Variants in BCR observed in about 807,000 individuals in gnomAD.
BCR encodes breakpoint cluster region protein.
In BCR, 58 loss-of-function variants were observed where a neutral mutation model predicts 138.6. The ratio of observed to expected loss-of-function variants is 0.42; its 90% confidence interval spans 0.34 to 0.52. The LOEUF is 0.52. Ranked by LOEUF, BCR falls within the 20% of genes least tolerant of loss-of-function variation. The pLI, the probability that BCR is intolerant of heterozygous loss-of-function variation, is 0.06. For synonymous variants in BCR, 786 were observed against 730.1 expected (o/e 1.08, Z -1.23); for missense variants, 1,599 against 1,727.2 (o/e 0.93, Z 1.32).
chr22:23,242,723 AC>A lies in BCR; in HGVS notation c.1280-11074del, dbSNP rs56775946. The A allele has an allele frequency of 6.8e-3, 2,360 of 347,106 alleles. 111 individuals are homozygous for A. The highest frequency in any genetic ancestry group is 0.051 in the South Asian group (2,272 of 44,956). 21.5% of individuals were successfully genotyped at this position (347,106 alleles called of 1,614,324 possible). ...TATCTCTGTCCTCAGACTCCATGGC[AC>A]CGAGTTCAGGCCATGTCTTAGTGTC... On this transcript the variant is annotated intron_variant, in intron 1 of 22. Transcript: ENST00000305877.
intron 1 of BCR, among the ~76,000 whole-genome samples, chr22:23,235,748 A>G (rs2146248727): frequency 6.6e-6 from 1 of 152,336 alleles, no homozygotes; most frequent in Non-Finnish European, 1.5e-5. Context: ...GGAAGTCAGT[A>G]TCAAGGAGCT....
At chr22:23,199,894 C>T (rs1161675593) in intron 1 of BCR, among the ~76,000 whole-genome samples, 1 of 151,946 alleles carries the variant, frequency 6.6e-6, no homozygotes, top group Non-Finnish European at 1.5e-5. Flanking sequence ...ACCATCCTGG[C>T]TAACACAGTG....
At chr22:23,301,653 G>T (rs771991203) in intron 16 of BCR, among the ~76,000 whole-genome samples, 6 of 152,208 alleles carry the variant, frequency 3.9e-5, no homozygotes, top group Middle Eastern at 3.2e-3. Flanking sequence ...AGTCAATCTG[G>T]GCCAAAGCCT....
At chr22:23,271,893 T>G (rs990909405) in intron 6 of BCR, among the ~76,000 whole-genome samples, 7 of 152,098 alleles carry the variant, frequency 4.6e-5, no homozygotes, top group Admixed American at 3.9e-4. Flanking sequence ...AGGCGGAGTT[T>G]TGGCTCACTG....
rs140139467 is a variant in BCR, at chr22:23,227,049, CCTTAAG to C, written c.1280-26746_1280-26741del. On this transcript the variant is annotated intron_variant, in intron 1 of 22. Transcript: ENST00000305877. ...AGCTGCTTGCTGGGAACACAGTTCA[CCTTAAG>C]CTTTAAAAAAAATTCCTTCAAAGCC... is the stretch of plus-strand genomic sequence containing the variant. 3.8e-3 allele frequency among the ~76,000 whole-genome samples: 576 copies of C among 152,146 alleles called. 4 individuals are homozygous for C. The highest frequency in any genetic ancestry group is 0.013 in the African/African-American group (535 of 41,510).
chr22:23,284,572 C>T (rs1568972893), intron 9 of BCR, among the ~76,000 whole-genome samples: 1 of 152,190 alleles, frequency 6.6e-6, no homozygotes, highest in South Asian at 2.1e-4. Flanking sequence ...GCACGGGGCT[C>T]TTTCCTGCAT....
At chr22:23,272,479 G>GGA (rs1347777291) in intron 6 of BCR, among the ~76,000 whole-genome samples, 1 of 152,178 alleles carries the variant, frequency 6.6e-6, no homozygotes, top group Non-Finnish European at 1.5e-5. Flanking sequence ...CTGTCATCAT[G>GGA]GAGAAGCACG....
intron 8 of BCR, among the ~76,000 whole-genome samples, chr22:23,280,854 A>ACTGGC (rs2073635511): frequency 6.6e-6 from 1 of 152,206 alleles, no homozygotes; most frequent in African/African-American, 2.4e-5. Context: ...CTGCTGTCCC[A>ACTGGC]CTGCCCTGCC....
intron 4 of BCR, chr22:23,263,195 G>T: frequency 1.1e-6 from 1 of 902,436 alleles, no homozygotes; most frequent in East Asian, 2.7e-5. Context: ...CCGCCTGCCC[G>T]GCTGCGGGGC....
In BCR at chr22:23,261,274, A is replaced by G; in HGVS notation, c.1567-81A>G. The G allele has an allele frequency of 7.7e-6, 11 of 1,431,678 alleles. No individual in the cohort carries two copies. In the South Asian group the frequency reaches 1.2e-4, roughly 16 times the overall value. 88.7% of individuals were successfully genotyped at this position (1,431,678 alleles called of 1,614,324 possible). On this transcript the variant is annotated intron_variant, in intron 3 of 22. Coordinates refer to ENST00000305877, the MANE Select transcript of BCR (RefSeq NM_004327.4). ...ATAAAAGTGCATATGTCAGGTAACC[A>G]TGACTGTCTACTGCCATACAATGCA...
intron 11 of BCR, 110 bp downstream of exon 11, chr22:23,287,388 T>A: frequency 1.4e-6 from 2 of 1,417,938 alleles, no homozygotes; most frequent in Admixed American, 5.5e-5. Flanking sequence ...GAGAGAGGCA[T>A]GTCCGGCATG....
At chr22:23,277,069 A>C (rs557816258) in intron 8 of BCR, among the ~76,000 whole-genome samples, 87 of 152,342 alleles carry the variant, frequency 5.7e-4, no homozygotes, top group African/African-American at 2.1e-3. Context: ...TAGCCAGGAA[A>C]GGGGGGCAGA....
intron 1 of BCR, among the ~76,000 whole-genome samples, chr22:23,247,147 C>T (rs377680013): frequency 6.6e-6 from 1 of 152,148 alleles, no homozygotes; most frequent in African/African-American, 2.4e-5. Context: ...GCTGCCATGG[C>T]CTGCCTAGGA....
At chr22:23,202,863 T>G (rs902606738) in intron 1 of BCR, among the ~76,000 whole-genome samples, 14 of 56,506 alleles carry the variant, frequency 2.5e-4, no homozygotes, top group African/African-American at 1.1e-3. Context: ...TTTGTGGGGT[T>G]TTTTTTTTGT....
intron 15 of BCR, among the ~76,000 whole-genome samples, chr22:23,294,587 A>T (rs2073825109): frequency 6.6e-6 from 1 of 152,074 alleles, no homozygotes; most frequent in Non-Finnish European, 1.5e-5. Flanking sequence ...TTTTAGTAGG[A>T]TGGGGTTTCG....
Position 23,182,026 on chromosome 22 carries a change from A to C in BCR, c.1066A>C (p.Ser356Arg). ...TGGCCAGTCCAGCCGCGTGTCCCCA[A>C]GCCCCACCACCTACCGCATGTTCCG... ...SSGQSSRVSP[S>R]PTTYRMFRDK... The change falls in exon 1 of 23, where the codon AGC becomes CGC. Residue 356 changes from serine (S) to arginine (R), a missense_variant. Transcript: ENST00000305877. 6.2e-7 allele frequency: 1 copy of C among 1,613,160 alleles called. No homozygotes were observed. Among genetic ancestry groups the C allele is most frequent in the Non-Finnish European group, 8.5e-7 (1 of 1,179,466 alleles).
At position 23,263,060 on chromosome 22, in the gene BCR, G is replaced by A. The variant is rs2073387142; in HGVS notation, c.1752+1520G>A. The A allele has an allele frequency of 8.2e-6, 6 of 734,522 alleles. No individual in the cohort carries two copies. In the South Asian group the frequency reaches 1.0e-4, roughly 13 times the overall value. 45.5% of individuals were successfully genotyped at this position (734,522 alleles called of 1,614,324 possible). A position where few individuals can be genotyped will look rare whatever the true frequency, so the allele number is the denominator to read the frequency against. On this transcript the variant is annotated intron_variant, in intron 4 of 22. Transcript: ENST00000305877. Reference sequence around the variant, plus strand: ...AATGGAGGGTCAGGGCTAGGCGGCGGGAGGGCGCCAGGCCGGGAAGAGTAC... The same window carrying A: ...AATGGAGGGTCAGGGCTAGGCGGCGAGAGGGCGCCAGGCCGGGAAGAGTAC...
chr22:23,247,478 G>A (rs1428177246), intron 1 of BCR, among the ~76,000 whole-genome samples: 1 of 152,042 alleles, frequency 6.6e-6, no homozygotes, highest in Non-Finnish European at 1.5e-5. Context: ...CTTTACAGCC[G>A]CTCTCATTGT....
chr22:23,220,685 A>G (rs1200646977), intron 1 of BCR, among the ~76,000 whole-genome samples: 1 of 152,134 alleles, frequency 6.6e-6, no homozygotes, highest in African/African-American at 2.4e-5. Flanking sequence ...GATATGATGA[A>G]AATCAGCTGT....
Sources: gnomAD v4.1 joint callset for allele counts (sites outside exome capture counted in the v4.1 genomes callset) on GRCh38, gnomAD v4.1.1 for gene constraint, MANE v1.5 for transcripts, NCBI Gene and HGNC (gene_info 2026-07-23, HGNC 2026-07-21) for gene names.